KLRG2: variants seen among roughly 807,000 people sequenced by gnomAD.
KLRG2 encodes the protein killer cell lectin-like receptor subfamily G member 2.
KLRG2 carries 39 observed loss-of-function variants against 35.4 expected under a neutral mutation model. The ratio of observed to expected loss-of-function variants is 1.10; its 90% CI spans 0.85 to 1.44. The LOEUF (loss-of-function observed/expected upper bound fraction) is 1.44. Ranked by LOEUF, KLRG2 falls within the 40% of genes most tolerant of loss-of-function variation. KLRG2 has a pLI of 0.00. For synonymous variants in KLRG2, 283 were observed against 265.8 expected, an observed-to-expected ratio of 1.06 and a Z score of -0.63; for missense variants, 632 against 570.9, an observed-to-expected ratio of 1.11 and a Z score of -1.09.
At chr7:139,456,844 C>T (rs559292300) in intron 3 of KLRG2, among the ~76,000 whole-genome samples, 3 of 152,232 alleles carry the variant, frequency 2.0e-5, no homozygotes, top group African/African-American at 4.8e-5. Flanking sequence ...GAACCTGGTG[C>T]GGGCCAGGAG....
rs146713583 is a variant in KLRG2 at position 139,463,685 on chromosome 7, A to G, written c.1006-9471T>C. 3.4e-3 allele frequency among the ~76,000 whole-genome samples: 510 copies of G among 152,104 alleles called. 3 individuals carry two copies. The highest frequency in any genetic ancestry group is 0.012 in the African/African-American group (483 of 41,504). ...GACTGTCCAAGTCACCCAGCAGCCA[A>G]CCCCAGAGTCCCTGGAACTCCGGCC... On this transcript the variant is annotated intron_variant, in intron 3 of 4. Transcript: ENST00000340940.
At chr7:139,442,778 A>T in the KLRG2 span, among the ~76,000 whole-genome samples, 6 of 152,182 alleles carry the variant, frequency 3.9e-5, no homozygotes, top group Admixed American at 2.0e-4. Flanking sequence ...ATAGTGAGTC[A>T]GTATCATGCC....
the KLRG2 span, among the ~76,000 whole-genome samples, chr7:139,432,183 C>CAAAATATT: frequency 6.6e-6 from 1 of 151,984 alleles, no homozygotes; most frequent in Admixed American, 6.6e-5. Flanking sequence ...AAGGGAGATC[C>CAAAATATT]TGTCTCTACA....
In KLRG2 at chr7:139,458,387, AAAAG is replaced by A. The variant is rs200647283; in HGVS notation, c.1006-4177_1006-4174del. ...AGCAAGAGATCCTGTCTCAAAAAAA[AAAAG>A]AAAGAAAGAAAGAAAAAGTTTAATG... On this transcript the variant is annotated intron_variant, in intron 3 of 4. Transcript: ENST00000340940. Among the ~76,000 whole-genome samples the A allele has an allele frequency of 9.1e-3, 1,386 of 152,174 alleles. 25 individuals carry two copies. Among genetic ancestry groups the A allele is most frequent in the African/African-American group, 0.031 (1,273 of 41,506 alleles).
At chr7:139,452,020 G>C (rs1341925517), downstream of KLRG2, among the ~76,000 whole-genome samples, 2 of 143,260 alleles carry the variant, frequency 1.4e-5, no homozygotes, top group East Asian at 2.0e-4. Flanking sequence ...CCGGGCTGCA[G>C]TGCAGTGGCA....
At chr7:139,461,421 C>G (rs575625048) in intron 3 of KLRG2, among the ~76,000 whole-genome samples, 2 of 152,132 alleles carry the variant, frequency 1.3e-5, no homozygotes, top group Non-Finnish European at 2.9e-5. Flanking sequence ...AAGAGAAAAA[C>G]GAATCGTTAT....
At chr7:139,482,651 C>T (rs1169387579) in intron 1 of KLRG2, among the ~76,000 whole-genome samples, 1 of 152,164 alleles carries the variant, frequency 6.6e-6, no homozygotes, top group Non-Finnish European at 1.5e-5. Flanking sequence ...CCTCGGCTTC[C>T]CAAAGTGCTG....
chr7:139,481,078 G>T (rs1395626427), intron 1 of KLRG2, among the ~76,000 whole-genome samples: 2 of 152,262 alleles, frequency 1.3e-5, no homozygotes, highest in Non-Finnish European at 2.9e-5. Flanking sequence ...GAAGACAGGT[G>T]GTGAGCATCA....
chr7:139,451,394 G>A (rs1166559634), downstream of KLRG2, among the ~76,000 whole-genome samples: 3 of 152,118 alleles, frequency 2.0e-5, no homozygotes, highest in Non-Finnish European at 2.9e-5. Flanking sequence ...CAGCTACTCA[G>A]GAGGCTGAGG....
chr7:139,433,310 G>A, the KLRG2 span, among the ~76,000 whole-genome samples: 9 of 119,842 alleles, frequency 7.5e-5, no homozygotes, highest in Admixed American at 2.9e-4. Context: ...TGTGGTGTGT[G>A]GTTTTTTTTT....
chr7:139,435,351 A>T, the KLRG2 span, among the ~76,000 whole-genome samples: 1 of 152,098 alleles, frequency 6.6e-6, no homozygotes. Context: ...ATTAGCCGGC[A>T]TGGTGGCAGG....
At chr7:139,451,652 C>T (rs1012039512), downstream of KLRG2, among the ~76,000 whole-genome samples, 2 of 152,136 alleles carry the variant, frequency 1.3e-5, no homozygotes, top group Non-Finnish European at 2.9e-5. Context: ...TCCTCTACTG[C>T]GTGCTGGGAT....
At chr7:139,477,789 C>CG (rs1340201753) in intron 3 of KLRG2, among the ~76,000 whole-genome samples, 1 of 151,728 alleles carries the variant, frequency 6.6e-6, no homozygotes, top group Non-Finnish European at 1.5e-5. Flanking sequence ...GACGGAGTCC[C>CG]GCTCTTTAGC....
At position 139,453,234 on chromosome 7, in the gene KLRG2, A is replaced by G. The variant is rs1455112414; in HGVS notation, c.*353T>C. Reference sequence around the variant, plus strand: ...AGCCGGAATGAGAACCCAGATTGGAATCCGCTGTGGTTGTTAACCCTGTCT... The same window carrying G: ...AGCCGGAATGAGAACCCAGATTGGAGTCCGCTGTGGTTGTTAACCCTGTCT... On this transcript the variant is annotated 3_prime_UTR_variant, in exon 5 of 5. Transcript: ENST00000340940. The G allele has an allele frequency of 1.4e-5, 6 of 429,654 alleles. No individual in the cohort carries two copies. Among genetic ancestry groups the G allele is most frequent in the South Asian group, 5.3e-5 (1 of 18,832 alleles). The allele number at this position is 429,654 out of a possible 1,614,324, so 26.6% of individuals were successfully genotyped here. A position where few individuals can be genotyped will look rare whatever the true frequency, so the allele number is the denominator to read the frequency against.
intron 4 of KLRG2, 101 bp downstream of exon 4, chr7:139,454,009 CA>C: frequency 1.2e-6 from 1 of 807,950 alleles, no homozygotes; most frequent in African/African-American, 1.7e-5. Context: ...GGCTGCTTTC[CA>C]AGTGGCATTC....
intron 1 of KLRG2, 86 bp downstream of exon 1, chr7:139,482,800 G>T: frequency 8.1e-7 from 1 of 1,233,418 alleles, no homozygotes; most frequent in Non-Finnish European, 1.0e-6. Context: ...CAGCTGCCCA[G>T]CGGTCCAGGG....
intron 1 of KLRG2, among the ~76,000 whole-genome samples, chr7:139,480,603 G>A (rs1796940637): frequency 6.6e-6 from 1 of 151,130 alleles, no homozygotes. Flanking sequence ...GTGCCACCAT[G>A]CCCGGCTAAT....
intron 1 of KLRG2, among the ~76,000 whole-genome samples, 192 bp from the exon 2 acceptor site, chr7:139,480,439 CTTTTTTTTTTTTT>C (rs892455272): frequency 1.2e-5 from 1 of 85,226 alleles, no homozygotes; most frequent in South Asian, 4.5e-4. Context: ...GCCAGATATT[CTTTTTTTTTTTTT>C]TTTTTTTTTT....
chr7:139,443,985 G>A, the KLRG2 span, among the ~76,000 whole-genome samples: 7 of 152,206 alleles, frequency 4.6e-5, no homozygotes, highest in Non-Finnish European at 8.8e-5. Flanking sequence ...AGGCCTGAGA[G>A]CCCCTGGCAA....
Sources: allele counts gnomAD v4.1 joint callset (sites outside exome capture counted in the v4.1 genomes callset), GRCh38; gene constraint gnomAD v4.1.1; transcripts MANE v1.5; gene names NCBI Gene and HGNC (gene_info 2026-07-23, HGNC 2026-07-21).